Variants in PLCL1 observed in about 807,000 individuals in gnomAD.
PLCL1 encodes the protein phospholipase C like 1 (inactive).
In PLCL1, 41 loss-of-function variants were observed where a neutral mutation model predicts 84.4. That is an observed-to-expected ratio of 0.49 (90% CI 0.38 to 0.63). The LOEUF (loss-of-function observed/expected upper bound fraction) is 0.63, where lower values mean the gene tolerates loss of function less well. PLCL1 is among the 30% of genes least tolerant of loss of function. The probability of loss-of-function intolerance (pLI) is 0.00; values close to 1 mark genes in which losing one functional copy is unlikely to be tolerated. For missense variants in PLCL1, 1,206 were observed against 1,367.8 expected, an observed-to-expected ratio of 0.88 and a Z score of 1.87; for synonymous variants, 490 against 488.3, an observed-to-expected ratio of 1.00 and a Z score of -0.05.
At position 198,148,406 on chromosome 2, in the gene PLCL1, A is replaced by G. The variant is rs1694577919; in HGVS notation, c.*1444A>G. Reference sequence around the variant, plus strand: ...GAAAGAGTAAAGATATGAAAAAAACACTTATTGTTTTCTTTTATTGTGAAT... The same window carrying G: ...GAAAGAGTAAAGATATGAAAAAAACGCTTATTGTTTTCTTTTATTGTGAAT... On this transcript the variant is annotated 3_prime_UTR_variant, in exon 6 of 6. Transcript: ENST00000428675. 1 of 152,292 alleles carries G rather than the reference A, an allele frequency of 6.6e-6. No individual in the cohort carries two copies. Among genetic ancestry groups the G allele is most frequent in the South Asian group, 2.1e-4 (1 of 4,826 alleles). 9.4% of individuals were successfully genotyped at this position (152,292 alleles called of 1,614,324 possible). A position where few individuals can be genotyped will look rare whatever the true frequency, so the allele number is the denominator to read the frequency against.
intron 1 of PLCL1, among the ~76,000 whole-genome samples, chr2:198,056,312 TC>T (rs1381915211): frequency 1.3e-5 from 2 of 151,842 alleles, no homozygotes; most frequent in Admixed American, 6.6e-5. Context: ...GTTGTTCCCC[TC>T]CCCCCCATAA....
At chr2:198,138,352 C>T (rs776880869) in intron 5 of PLCL1, among the ~76,000 whole-genome samples, 13 of 152,024 alleles carry the variant, frequency 8.6e-5, no homozygotes, top group Non-Finnish European at 1.3e-4. Flanking sequence ...ACAACCAGAT[C>T]TCCTGAGAAC....
intron 1 of PLCL1, among the ~76,000 whole-genome samples, chr2:197,832,346 AC>A (rs1364734897): frequency 3.9e-5 from 6 of 152,260 alleles, no homozygotes; most frequent in African/African-American, 1.4e-4. Flanking sequence ...CCACAGAAAT[AC>A]GAACTACCAT....
intron 1 of PLCL1, among the ~76,000 whole-genome samples, chr2:197,897,155 T>C (rs557470503): frequency 0.026 from 871 of 33,762 alleles, 11 homozygotes; most frequent in African/African-American, 0.061. Context: ...TTCTTCTTCT[T>C]CTTCTTCTTC....
intron 1 of PLCL1, among the ~76,000 whole-genome samples, chr2:198,013,639 G>A (rs997675157): frequency 6.6e-6 from 1 of 152,052 alleles, no homozygotes; most frequent in Non-Finnish European, 1.5e-5. Context: ...TGAATTTAAG[G>A]CAAATATGGG....
At chr2:197,953,132 A>G (rs900736840) in intron 1 of PLCL1, among the ~76,000 whole-genome samples, 3 of 152,094 alleles carry the variant, frequency 2.0e-5, no homozygotes, top group East Asian at 1.9e-4. Context: ...CTTAGAGATA[A>G]CATACAGAGA....
intron 3 of PLCL1, among the ~76,000 whole-genome samples, chr2:198,094,060 C>T (rs1332038596): frequency 6.6e-6 from 1 of 151,214 alleles, no homozygotes; most frequent in Non-Finnish European, 1.5e-5. Flanking sequence ...CATTTTTTTT[C>T]TCTCTCTCTT....
At position 198,033,389 on chromosome 2, in the gene PLCL1, C is replaced by G. The variant is rs191035400; in HGVS notation, c.241-50369C>G. Among the ~76,000 whole-genome samples the G allele has an allele frequency of 2.0e-4, 31 of 152,312 alleles. No individual in the cohort carries two copies. In the East Asian group the frequency reaches 5.6e-3, roughly 28 times the overall value. ...GCCCCCTCACTGGAGGGAACCCAGA[C>G]AGCAAACCCCAGAACTTACTGGCAT... On this transcript the variant is annotated intron_variant, in intron 1 of 5. Transcript: ENST00000428675.
chr2:198,005,255 A>G (rs6434950), intron 1 of PLCL1, among the ~76,000 whole-genome samples: 35,459 of 152,230 alleles, frequency 0.23, 4,308 homozygotes, highest in African/African-American at 0.31. Flanking sequence ...ATCTCCCTGC[A>G]TAGGCAATGA....
chr2:197,855,910 C>CCATT (rs1011511882), intron 1 of PLCL1, among the ~76,000 whole-genome samples: 1 of 152,114 alleles, frequency 6.6e-6, no homozygotes, highest in Non-Finnish European at 1.5e-5. Flanking sequence ...TTCAAATGTG[C>CCATT]CATTGGAGCA....
intron 1 of PLCL1, among the ~76,000 whole-genome samples, chr2:197,886,290 T>C (rs1687920419): frequency 6.6e-6 from 1 of 151,452 alleles, no homozygotes; most frequent in Non-Finnish European, 1.5e-5. Flanking sequence ...TACGTGCCTG[T>C]AGTCCCAGTT....
chr2:198,052,238 C>T (rs1170540092), intron 1 of PLCL1, among the ~76,000 whole-genome samples: 2 of 151,782 alleles, frequency 1.3e-5, no homozygotes, highest in Admixed American at 6.6e-5. Context: ...TTAGTAGAGA[C>T]AGGGTTTCAC....
chr2:197,919,742 G>C (rs1194492199), intron 1 of PLCL1, among the ~76,000 whole-genome samples: 1 of 152,178 alleles, frequency 6.6e-6, no homozygotes, highest in African/African-American at 2.4e-5. Flanking sequence ...TGCATGAATG[G>C]GGAAATATGT....
chr2:198,095,882 G>T (rs1388349545), intron 3 of PLCL1, among the ~76,000 whole-genome samples: 5 of 152,212 alleles, frequency 3.3e-5, no homozygotes, highest in African/African-American at 7.2e-5. Context: ...AATAAGCAGA[G>T]ACGGAATCAG....
intron 1 of PLCL1, among the ~76,000 whole-genome samples, chr2:197,888,527 C>T (rs1003447873): frequency 6.6e-6 from 1 of 152,158 alleles, no homozygotes; most frequent in Non-Finnish European, 1.5e-5. Flanking sequence ...TGGACAATCA[C>T]TTAATGTCAG....
At chr2:197,975,845 G>GA (rs1358078254) in intron 1 of PLCL1, among the ~76,000 whole-genome samples, 1 of 151,820 alleles carries the variant, frequency 6.6e-6, no homozygotes, top group African/African-American at 2.4e-5. Flanking sequence ...AACGACAACA[G>GA]AAAAAACAGA....
chr2:198,126,095 A>G (rs1386500404), intron 5 of PLCL1, among the ~76,000 whole-genome samples: 3 of 152,140 alleles, frequency 2.0e-5, no homozygotes, highest in Non-Finnish European at 2.9e-5. Context: ...CTACTCCCTC[A>G]GGTTAAGTAG....
At chr2:197,946,072 A>G (rs2105778623) in intron 1 of PLCL1, among the ~76,000 whole-genome samples, 1 of 152,320 alleles carries the variant, frequency 6.6e-6, no homozygotes, top group South Asian at 2.1e-4. Flanking sequence ...AAATGAAACT[A>G]GAACATTTCT....
At chr2:197,933,551 A>C (rs2105767629) in intron 1 of PLCL1, among the ~76,000 whole-genome samples, 1 of 152,172 alleles carries the variant, frequency 6.6e-6, no homozygotes, top group East Asian at 1.9e-4. Flanking sequence ...TTAATTGCAA[A>C]TCTTTAGCTA....
Sources: allele counts gnomAD v4.1 joint callset (sites outside exome capture counted in the v4.1 genomes callset), GRCh38; gene constraint gnomAD v4.1.1; transcripts MANE v1.5; gene names NCBI Gene and HGNC (gene_info 2026-07-23, HGNC 2026-07-21).